Variants in UBE2H observed in about 807,000 individuals in gnomAD.
UBE2H encodes the protein ubiquitin conjugating enzyme E2 H, also known as ubiquitin-conjugating enzyme E2 H.
Under a neutral mutation model 29.0 loss-of-function variants are expected in UBE2H, and 3 were observed. That is an observed-to-expected ratio of 0.10 (90% confidence interval 0.05 to 0.27). UBE2H has a LOEUF of 0.27. UBE2H is among the 10% of genes least tolerant of loss of function. The probability of loss-of-function intolerance (pLI) is 1.00; values close to 1 mark genes in which losing one functional copy is unlikely to be tolerated. For missense variants in UBE2H, 68 were observed against 228.2 expected (o/e 0.30, Z 4.52); for synonymous variants, 69 against 82.9 (o/e 0.83, Z 0.91).
At chr7:129,949,196 G>T (rs1282856046) in intron 1 of UBE2H, 5 of 330,596 alleles carry the variant, frequency 1.5e-5, no homozygotes, top group African/African-American at 1.1e-4. Flanking sequence ...TGAGCTGTTT[G>T]TTCCTCCACC....
intron 1 of UBE2H, among the ~76,000 whole-genome samples, chr7:129,934,806 C>T (rs1807487959): frequency 6.7e-6 from 1 of 149,004 alleles, no homozygotes; most frequent in African/African-American, 2.5e-5. Context: ...GGTGGCTCAC[C>T]CTGTAATCCC....
At chr7:129,881,962 A>G (rs75117904) in intron 1 of UBE2H, among the ~76,000 whole-genome samples, 1 of 152,014 alleles carries the variant, frequency 6.6e-6, no homozygotes, top group African/African-American at 2.4e-5. Context: ...ACAAAAAAAA[A>G]TTTTTTCAGA....
At chr7:129,859,621 T>C (rs1045259347) in intron 3 of UBE2H, among the ~76,000 whole-genome samples, 1 of 152,198 alleles carries the variant, frequency 6.6e-6, no homozygotes, top group African/African-American at 2.4e-5. Flanking sequence ...GCAAACCAAG[T>C]ACACACTTTA....
intron 6 of UBE2H, 119 bp downstream of exon 6, chr7:129,839,088 C>A: frequency 6.9e-7 from 1 of 1,456,054 alleles, no homozygotes. Flanking sequence ...CCACAGCTGT[C>A]TCTTTTTAGG....
intron 3 of UBE2H, among the ~76,000 whole-genome samples, chr7:129,878,971 G>C (rs996117836): frequency 1.3e-5 from 2 of 152,002 alleles, no homozygotes; most frequent in African/African-American, 4.8e-5. Flanking sequence ...TGCCTCAATG[G>C]GGGTGACAGG....
In UBE2H at chr7:129,952,619, G is replaced by A. The variant is rs1449130052; in HGVS notation, c.-64C>T. 3.2e-6 allele frequency: 5 copies of A among 1,574,110 alleles called. No homozygotes were observed. The highest frequency in any genetic ancestry group is 2.7e-5 in the African/African-American group (2 of 72,748). ...GTCACGGGCCCGGGGCCCCGGCTCT[G>A]AGGAGCCCGCGGCCGCGCCGGCTCC... On this transcript the variant is annotated 5_prime_UTR_variant, in exon 1 of 7. Transcript: ENST00000355621.
intron 6 of UBE2H, among the ~76,000 whole-genome samples, chr7:129,836,393 G>A (rs1223603603): frequency 1.3e-5 from 2 of 152,198 alleles, no homozygotes; most frequent in Non-Finnish European, 2.9e-5. Flanking sequence ...CCAATGAGGA[G>A]GAGGAAACAG....
chr7:129,882,711 G>C (rs1376864887), intron 1 of UBE2H, among the ~76,000 whole-genome samples: 6 of 152,124 alleles, frequency 3.9e-5, no homozygotes, highest in Non-Finnish European at 8.8e-5. Flanking sequence ...TGCCTACTCT[G>C]ACCAGTCACC....
intron 6 of UBE2H, among the ~76,000 whole-genome samples, chr7:129,835,559 G>A (rs1455053687): frequency 6.6e-6 from 1 of 152,072 alleles, no homozygotes; most frequent in Non-Finnish European, 1.5e-5. Context: ...TGAAGCAGCT[G>A]GCAAAAACCA....
intron 5 of UBE2H, among the ~76,000 whole-genome samples, chr7:129,851,294 A>T (rs1428890429): frequency 6.6e-6 from 1 of 152,208 alleles, no homozygotes; most frequent in Non-Finnish European, 1.5e-5. Context: ...TTCAAACCTT[A>T]TAACCCTGCT....
intron 1 of UBE2H, among the ~76,000 whole-genome samples, chr7:129,913,899 C>T (rs905529836): frequency 2.0e-5 from 3 of 152,122 alleles, no homozygotes; most frequent in African/African-American, 7.2e-5. Context: ...TACTTAACTA[C>T]GACCCCATAC....
At chr7:129,843,468 T>A (rs1475864231) in intron 5 of UBE2H, among the ~76,000 whole-genome samples, 1 of 152,120 alleles carries the variant, frequency 6.6e-6, no homozygotes, top group Non-Finnish European at 1.5e-5. Flanking sequence ...TAAGTATGGA[T>A]CAGGAACTCA....
At chr7:129,900,901 C>T (rs550222256) in intron 1 of UBE2H, among the ~76,000 whole-genome samples, 1 of 152,030 alleles carries the variant, frequency 6.6e-6, no homozygotes, top group African/African-American at 2.4e-5. Flanking sequence ...CAGGTGCCCA[C>T]CACCACGCCC....
intron 5 of UBE2H, among the ~76,000 whole-genome samples, chr7:129,853,560 C>T (rs1348488011): frequency 1.3e-5 from 2 of 152,168 alleles, no homozygotes; most frequent in African/African-American, 2.4e-5. Flanking sequence ...TAATCCGATT[C>T]CTCACTATAA....
intron 6 of UBE2H, among the ~76,000 whole-genome samples, chr7:129,836,401 C>G (rs1563017056): frequency 6.6e-6 from 1 of 152,096 alleles, no homozygotes; most frequent in Non-Finnish European, 1.5e-5. Flanking sequence ...GAGGAGGAAA[C>G]AGAGGAAGAT....
At chr7:129,873,344 T>C (rs1382525889) in intron 3 of UBE2H, among the ~76,000 whole-genome samples, 2 of 152,006 alleles carry the variant, frequency 1.3e-5, no homozygotes, top group Non-Finnish European at 2.9e-5. Flanking sequence ...AACTATTGTA[T>C]TGCCCATGAC....
At chr7:129,863,704 G>C (rs935192781) in intron 3 of UBE2H, among the ~76,000 whole-genome samples, 1 of 151,690 alleles carries the variant, frequency 6.6e-6, no homozygotes, top group Non-Finnish European at 1.5e-5. Flanking sequence ...AAAGTAGGCA[G>C]AAACAGTTTA....
intron 3 of UBE2H, among the ~76,000 whole-genome samples, chr7:129,871,018 T>C (rs904677666): frequency 1.3e-5 from 2 of 152,268 alleles, no homozygotes; most frequent in African/African-American, 2.4e-5. Context: ...TTAAATTTAC[T>C]TTGTCAGACC....
chr7:129,886,203 C>A (rs1279472363), intron 1 of UBE2H, among the ~76,000 whole-genome samples: 1 of 151,910 alleles, frequency 6.6e-6, no homozygotes, highest in African/African-American at 2.4e-5. Context: ...TGCTTTATAC[C>A]CACTTAGCAT....
Sources: allele counts gnomAD v4.1 joint callset (sites outside exome capture counted in the v4.1 genomes callset), GRCh38; gene constraint gnomAD v4.1.1; transcripts MANE v1.5; gene names NCBI Gene and HGNC (gene_info 2026-07-23, HGNC 2026-07-21).